PCDHGB6: variants seen among roughly 807,000 people sequenced by gnomAD.
PCDHGB6 encodes the protein protocadherin gamma subfamily B, 6, also known as protocadherin gamma-B6.
Under a neutral mutation model 59.1 loss-of-function variants are expected in PCDHGB6, and 51 were observed. That is an observed-to-expected ratio of 0.86 (90% CI 0.69 to 1.09). The LOEUF (loss-of-function observed/expected upper bound fraction) is 1.09. PCDHGB6 is among the 50% of genes least tolerant of loss of function. PCDHGB6 has a pLI of 0.00. For missense variants in PCDHGB6, 1,148 were observed against 1,205.1 expected, an observed-to-expected ratio of 0.95 and a Z score of 0.70; for synonymous variants, 466 against 495.1, an observed-to-expected ratio of 0.94 and a Z score of 0.78.
intron 1 of PCDHGB6, among the ~76,000 whole-genome samples, chr5:141,456,287 C>T (rs951430060): frequency 1.3e-5 from 2 of 152,048 alleles, no homozygotes; most frequent in Non-Finnish European, 2.9e-5. Flanking sequence ...TGAAAAGGGG[C>T]GTCTAATGGA....
Position 141,487,418 on chromosome 5 carries a change from A to T in PCDHGB6, c.2419-7389A>T. ...GGAGGGGCTTCCCCCTTCCAATGGG[A>T]TCCTCCGAATCCAGCTAGGGTCAGA... On this transcript the variant is annotated intron_variant, in intron 1 of 3. Transcript: ENST00000520790. The surrounding 1 kb of genome is among the most constrained non-coding windows in gnomAD (Gnocchi z 5.0). The T allele has an allele frequency of 6.2e-7, 1 of 1,614,060 alleles. No homozygotes were observed. The highest frequency in any genetic ancestry group is 8.5e-7 in the Non-Finnish European group (1 of 1,179,998).
intron 1 of PCDHGB6, among the ~76,000 whole-genome samples, chr5:141,434,049 A>G (rs868088310): frequency 2.0e-5 from 3 of 152,116 alleles, no homozygotes; most frequent in Non-Finnish European, 2.9e-5. Flanking sequence ...ATTTTATTCA[A>G]TGGCCTGTAA....
chr5:141,495,817 T>G (rs2099764054), intron 2 of PCDHGB6, among the ~76,000 whole-genome samples: 1 of 152,110 alleles, frequency 6.6e-6, no homozygotes, highest in African/African-American at 2.4e-5. Context: ...TAGCGCCTTG[T>G]GTTCTTCTAT....
intron 1 of PCDHGB6, among the ~76,000 whole-genome samples, chr5:141,460,445 G>A (rs896549154): frequency 7.2e-5 from 11 of 152,144 alleles, no homozygotes; most frequent in Admixed American, 5.9e-4. Flanking sequence ...AGGTAACAAT[G>A]AAGATTCATA....
chr5:141,418,396 A>G lies in PCDHGB6; in HGVS notation c.2418+7776A>G, dbSNP rs139206858. 4.9e-3 allele frequency: 7,975 copies of G among 1,613,844 alleles called. 44 individuals are homozygous for G. The highest frequency in any genetic ancestry group is 9.4e-3 in the Admixed American group (567 of 60,030). On this transcript the variant is annotated intron_variant, in intron 1 of 3. Coordinates refer to ENST00000520790, the MANE Select transcript of PCDHGB6 (RefSeq NM_018926.3). Reference sequence around the variant, plus strand: ...AACTAAGTCCTAACGAGTATTTCTCATTGGTGGAGAAAGACAATCCTGATG... The same window carrying G: ...AACTAAGTCCTAACGAGTATTTCTCGTTGGTGGAGAAAGACAATCCTGATG...
intron 1 of PCDHGB6, among the ~76,000 whole-genome samples, chr5:141,464,402 G>T (rs900750443): frequency 6.6e-6 from 1 of 150,722 alleles, no homozygotes; most frequent in African/African-American, 2.4e-5. Context: ...AAGAACCTGA[G>T]ATATATATAT....
In PCDHGB6 at chr5:141,485,798, C is replaced by T. The variant is rs764109672; in HGVS notation, c.2419-9009C>T. The T allele has an allele frequency of 2.0e-5, 32 of 1,614,172 alleles. No individual in the cohort carries two copies. The highest frequency in any genetic ancestry group is 1.1e-4 in the East Asian group (5 of 44,876). ...GGATCGAGAGAAGCAATCGGACTAC[C>T]GCCTGGTGCTGACTGCTGTCGATGG... is the stretch of plus-strand genomic sequence containing the variant. On this transcript the variant is annotated intron_variant, in intron 1 of 3. Coordinates refer to ENST00000520790, the MANE Select transcript of PCDHGB6 (RefSeq NM_018926.3). The surrounding 1 kb of genome is among the most constrained non-coding windows in gnomAD (Gnocchi z 5.7).
chr5:141,475,550 T>G (rs2099365082), intron 1 of PCDHGB6, among the ~76,000 whole-genome samples: 1 of 152,246 alleles, frequency 6.6e-6, no homozygotes, highest in Non-Finnish European at 1.5e-5. Flanking sequence ...AGGGTCCGGC[T>G]AATTGTCTGT....
chr5:141,415,423 G>T (rs2154545734), intron 1 of PCDHGB6: 1 of 1,614,204 alleles, frequency 6.2e-7, no homozygotes, highest in Non-Finnish European at 8.5e-7. Context: ...CGTGGACGGG[G>T]TTCGGGCTTT....
At position 141,485,437 on chromosome 5, in the gene PCDHGB6, C is replaced by A. The variant is rs2099613420; in HGVS notation, c.2419-9370C>A. The A allele has an allele frequency of 6.2e-7, 1 of 1,614,174 alleles. No individual in the cohort carries two copies. Among genetic ancestry groups the A allele is most frequent in the Non-Finnish European group, 8.5e-7 (1 of 1,180,028 alleles). On this transcript the variant is annotated intron_variant, in intron 1 of 3. Transcript: ENST00000520790. The surrounding 1 kb of genome is among the most constrained non-coding windows in gnomAD (Gnocchi z 5.7). ...ACAGCGGAGCCCTGCTCATCAAGAA[C>A]CCAATCGACCGAGAGGCACTGTGTG...
intron 1 of PCDHGB6, chr5:141,421,501 G>T: frequency 6.2e-7 from 1 of 1,614,094 alleles, no homozygotes; most frequent in Non-Finnish European, 8.5e-7. Context: ...AGGCAGGATA[G>T]ACCGGGAGGA....
intron 1 of PCDHGB6, chr5:141,421,587 G>A: frequency 1.2e-6 from 2 of 1,613,900 alleles, no homozygotes; most frequent in South Asian, 1.1e-5. Context: ...TTTACGGAGT[G>A]GAGGTGGAAA....
chr5:141,453,287 A>T (rs900058377), intron 1 of PCDHGB6, among the ~76,000 whole-genome samples: 1 of 151,368 alleles, frequency 6.6e-6, no homozygotes, highest in Non-Finnish European at 1.5e-5. Context: ...CTAATTTTTT[A>T]ATTATTTATT....
intron 1 of PCDHGB6, chr5:141,426,294 CAG>C (rs555591649): frequency 1.2e-4 from 20 of 167,070 alleles, no homozygotes; most frequent in African/African-American, 4.5e-4. Context: ...GGATGGGAAA[CAG>C]GGTGAAGCAG....
In PCDHGB6 at chr5:141,511,112, G is replaced by C. The variant is rs767257788; in HGVS notation, c.2732G>C (p.Gly911Ala). The change falls in exon 4 of 4, where the codon GGC becomes GCC. Residue 911 changes from glycine (G) to alanine (A), a missense_variant. Coordinates refer to ENST00000520790, the MANE Select transcript of PCDHGB6 (RefSeq NM_018926.3). ...TLTNAAGKRD[G>A]KAPAGGNGNK... The stretch of plus-strand genomic sequence containing the variant: ...ACCAACGCAGCTGGCAAGCGGGATG[G>C]CAAGGCCCCAGCAGGTGGCAATGGC... The C allele has an allele frequency of 4.3e-6, 7 of 1,614,232 alleles. No homozygotes were observed. Among genetic ancestry groups the C allele is most frequent in the Non-Finnish European group, 5.9e-6 (7 of 1,180,024 alleles).
chr5:141,466,612 C>T (rs141916895), intron 1 of PCDHGB6, among the ~76,000 whole-genome samples: 1 of 152,262 alleles, frequency 6.6e-6, no homozygotes, highest in East Asian at 1.9e-4. Flanking sequence ...TTGTAAACTG[C>T]CGTTTTCTTT....
intron 1 of PCDHGB6, among the ~76,000 whole-genome samples, chr5:141,464,913 A>T (rs1035542028): frequency 1.3e-4 from 19 of 151,426 alleles, no homozygotes; most frequent in Admixed American, 1.2e-3. Context: ...TAATTTTTTT[A>T]TTTTTTTGTA....
chr5:141,416,120 A>C (rs2095996372), intron 1 of PCDHGB6: 1 of 155,288 alleles, frequency 6.4e-6, no homozygotes, highest in African/African-American at 2.4e-5. Context: ...ACTACATTTT[A>C]TATATTTTTC....
At chr5:141,484,352 T>A (rs112226980) in intron 1 of PCDHGB6, among the ~76,000 whole-genome samples, 8,127 of 152,270 alleles carry the variant, frequency 0.053, 445 homozygotes, top group African/African-American at 0.15. Context: ...TAATTTAGTG[T>A]ATCTAGTGTA....
Sources: allele counts gnomAD v4.1 joint callset (sites outside exome capture counted in the v4.1 genomes callset), GRCh38; gene constraint gnomAD v4.1.1; non-coding constraint Gnocchi (gnomAD v3.1); transcripts MANE v1.5; gene names NCBI Gene and HGNC (gene_info 2026-07-23, HGNC 2026-07-21).